WDFY3: variants seen among roughly 807,000 people sequenced by gnomAD.
WDFY3 encodes WD repeat and FYVE domain containing 3, also known as WD repeat and FYVE domain-containing protein 3.
WDFY3 carries 66 observed loss-of-function variants against 409.6 expected under a neutral mutation model. The observed-to-expected ratio is 0.16, with a 90% confidence interval of 0.13 to 0.20. The LOEUF is 0.20. Among genes scored for constraint, WDFY3 ranks in the 10% least tolerant of loss-of-function variants. The probability of loss-of-function intolerance (pLI) is 1.00; values close to 1 mark genes in which losing one functional copy is unlikely to be tolerated. For missense variants in WDFY3, 3,031 were observed against 4,298.1 expected, an observed-to-expected ratio of 0.71 and a Z score of 8.24; for synonymous variants, 1,521 against 1,537.1, an observed-to-expected ratio of 0.99 and a Z score of 0.25.
chr4:84,714,949 C>CAAAAAAAAA (rs770343929), intron 50 of WDFY3, among the ~76,000 whole-genome samples: 3 of 73,108 alleles, frequency 4.1e-5, no homozygotes, highest in African/African-American at 1.5e-4. Context: ...GACTCCGTCT[C>CAAAAAAAAA]AAAAAAAAAA....
At chr4:84,858,429 T>A (rs938181074) in intron 4 of WDFY3, among the ~76,000 whole-genome samples, 1 of 151,684 alleles carries the variant, frequency 6.6e-6, no homozygotes, top group African/African-American at 2.4e-5. Context: ...ACTAAAAAAA[T>A]AAATAAATAA....
intron 56 of WDFY3, among the ~76,000 whole-genome samples, chr4:84,698,011 A>G (rs1041954830): frequency 3.9e-5 from 6 of 152,168 alleles, no homozygotes; most frequent in Admixed American, 1.3e-4. Flanking sequence ...ACAAAAATAA[A>G]TCAAGTTATT....
At chr4:84,674,276 A>G (rs1003328210) in intron 67 of WDFY3, among the ~76,000 whole-genome samples, 2 of 152,256 alleles carry the variant, frequency 1.3e-5, no homozygotes, top group Admixed American at 6.5e-5. Flanking sequence ...AGTACAAATC[A>G]CTAGATTAAT....
At chr4:84,826,689 A>C (rs1754914820) in intron 10 of WDFY3, 126 bp downstream of exon 10, 2 of 939,896 alleles carry the variant, frequency 2.1e-6, no homozygotes, top group African/African-American at 3.4e-5. Context: ...AAAAAAAACA[A>C]GCTTTAAGGG....
At chr4:84,688,787 T>C (rs1728762172) in intron 61 of WDFY3, among the ~76,000 whole-genome samples, 1 of 152,122 alleles carries the variant, frequency 6.6e-6, no homozygotes, top group Admixed American at 6.6e-5. Flanking sequence ...AAAGCGAGAA[T>C]GTAGTCCTGA....
chr4:84,907,976 G>T (rs1424451781), intron 2 of WDFY3, among the ~76,000 whole-genome samples: 2 of 151,926 alleles, frequency 1.3e-5, no homozygotes, highest in Non-Finnish European at 2.9e-5. Context: ...AAGAGTGGGT[G>T]TAGGTATGCA....
chr4:84,715,251 C>A, intron 50 of WDFY3, 47 bp downstream of exon 50: 2 of 1,053,084 alleles, frequency 1.9e-6, no homozygotes, highest in South Asian at 1.6e-5. Flanking sequence ...ATTCCCCCTC[C>A]CATATCTTCC....
intron 9 of WDFY3, among the ~76,000 whole-genome samples, chr4:84,828,147 G>T: frequency 6.6e-6 from 1 of 152,048 alleles, no homozygotes; most frequent in East Asian, 1.9e-4. Context: ...AAACAGTGGT[G>T]TCTTATAATA....
At chr4:84,783,840 A>C (rs1051871124) in intron 24 of WDFY3, among the ~76,000 whole-genome samples, 2 of 150,740 alleles carry the variant, frequency 1.3e-5, no homozygotes, top group Non-Finnish European at 1.5e-5. Flanking sequence ...TATGTTCCTT[A>C]GATATGTATA....
intron 3 of WDFY3, among the ~76,000 whole-genome samples, chr4:84,892,478 G>T (rs189920772): frequency 6.6e-6 from 1 of 152,096 alleles, no homozygotes; most frequent in African/African-American, 2.4e-5. Context: ...AATATCCAAT[G>T]TTCAAAATCT....
chr4:84,878,049 T>C (rs1179705091), intron 3 of WDFY3, among the ~76,000 whole-genome samples: 7 of 152,206 alleles, frequency 4.6e-5, no homozygotes, highest in African/African-American at 1.7e-4. Flanking sequence ...AAATGACCAT[T>C]TTTGTTAAGA....
chr4:84,719,843 T>C (rs1053518616), intron 47 of WDFY3, among the ~76,000 whole-genome samples: 1 of 152,206 alleles, frequency 6.6e-6, no homozygotes, highest in Non-Finnish European at 1.5e-5. Flanking sequence ...TCATACCTGG[T>C]GTACTTTTAT....
chr4:84,675,209 G>A (rs1222001292), intron 67 of WDFY3, among the ~76,000 whole-genome samples: 1 of 151,942 alleles, frequency 6.6e-6, no homozygotes, highest in Non-Finnish European at 1.5e-5. Flanking sequence ...GCCCACCTCA[G>A]CCTCCCAAAG....
At position 84,679,167 on chromosome 4, in the gene WDFY3, G is replaced by T. The variant is rs772679033; in HGVS notation, c.9899C>A (p.Thr3300Asn). The T allele has an allele frequency of 6.2e-7, 1 of 1,613,008 alleles. No individual in the cohort carries two copies. The highest frequency in any genetic ancestry group is 8.5e-7 in the Non-Finnish European group (1 of 1,179,420). Residue 3300 changes from threonine (T) to asparagine (N), a missense_variant, in exon 65 of 68, where the codon ACT (threonine) becomes AAT (asparagine). By Grantham distance (65) the Thr-to-Asn change is moderately conservative (BLOSUM62 0). This residue lies in a region of WDFY3 where 378 missense variants were observed against 477.3 expected (regional missense o/e 0.79). Transcript: ENST00000295888. ...GCTGGTGCTGCTGGGTTGGCTTGGA[G>T]TGTCCTTAGGGTCCTGGCTGATGCT... ...EQSISQDPKD[T>N]PSQPSSTSHR...
intron 4 of WDFY3, among the ~76,000 whole-genome samples, chr4:84,856,384 T>G (rs1269390863): frequency 6.6e-6 from 1 of 152,236 alleles, no homozygotes; most frequent in Non-Finnish European, 1.5e-5. Flanking sequence ...TTATGAATTT[T>G]TAGACAACTA....
chr4:84,845,662 GA>G (rs1757993394), intron 5 of WDFY3, among the ~76,000 whole-genome samples: 1 of 152,020 alleles, frequency 6.6e-6, no homozygotes. Flanking sequence ...CTTAGGCCCT[GA>G]AAAATCTAGA....
At chr4:84,961,423 T>C (rs1180906887) in intron 1 of WDFY3, among the ~76,000 whole-genome samples, 1 of 152,150 alleles carries the variant, frequency 6.6e-6, no homozygotes, top group African/African-American at 2.4e-5. Context: ...AAAAATTCTT[T>C]ATGATAAATT....
At chr4:84,692,773 A>G (rs1167960978) in intron 59 of WDFY3, 112 bp downstream of exon 59, 1 of 993,908 alleles carries the variant, frequency 1.0e-6, no homozygotes, top group Non-Finnish European at 1.4e-6. Flanking sequence ...AATGTATGGC[A>G]CTTATTAAAC....
intron 1 of WDFY3, among the ~76,000 whole-genome samples, chr4:84,949,795 C>T (rs867901008): frequency 6.6e-6 from 1 of 152,084 alleles, no homozygotes; most frequent in South Asian, 2.1e-4. Context: ...ACCAAGTAGT[C>T]GAAAACTCAA....
Sources: allele counts gnomAD v4.1 joint callset (sites outside exome capture counted in the v4.1 genomes callset), GRCh38; gene constraint gnomAD v4.1.1; regional missense constraint gnomAD v4.1.1; transcripts MANE v1.5; gene names NCBI Gene and HGNC (gene_info 2026-07-23, HGNC 2026-07-21).